The following CNTN4 variants were observed in gnomAD, a reference collection of about 807,000 sequenced individuals.
The protein encoded by CNTN4 is contactin 4, also known as contactin-4.
Under a neutral mutation model 122.5 loss-of-function variants are expected in CNTN4, and 77 were observed. The ratio of observed to expected loss-of-function variants is 0.63; its 90% CI spans 0.52 to 0.76. The LOEUF is 0.76. CNTN4 is among the 30% of genes least tolerant of loss of function. The pLI is 0.00. For synonymous variants in CNTN4, 512 were observed against 447.0 expected (o/e 1.15, Z -1.83); for missense variants, 1,256 against 1,259.1 (o/e 1.00, Z 0.04).
intron 2 of CNTN4, among the ~76,000 whole-genome samples, chr3:2,226,395 G>T (rs965693760): frequency 8.5e-5 from 13 of 152,094 alleles, no homozygotes; most frequent in Admixed American, 6.5e-5. Flanking sequence ...ATTTTTGGAA[G>T]AGGAAAAAGC....
intron 2 of CNTN4, among the ~76,000 whole-genome samples, chr3:2,199,314 G>A (rs145612350): frequency 5.1e-4 from 77 of 151,978 alleles, no homozygotes; most frequent in East Asian, 4.5e-3. Flanking sequence ...CATTTCTCAC[G>A]TGTACTTTTA....
At chr3:2,643,274 A>G (rs567350375) in intron 4 of CNTN4, among the ~76,000 whole-genome samples, 1 of 152,266 alleles carries the variant, frequency 6.6e-6, no homozygotes, top group Admixed American at 6.5e-5. Context: ...CCCATGTTCA[A>G]GCAATTTTCA....
chr3:2,522,190 T>TGA (rs2077245673), intron 3 of CNTN4, among the ~76,000 whole-genome samples: 1 of 150,376 alleles, frequency 6.6e-6, no homozygotes, highest in Non-Finnish European at 1.5e-5. Context: ...TGTGTGTGTG[T>TGA]GAATAATTAA....
At chr3:2,878,098 T>C (rs964981654) in intron 8 of CNTN4, among the ~76,000 whole-genome samples, 3 of 152,206 alleles carry the variant, frequency 2.0e-5, no homozygotes, top group African/African-American at 4.8e-5. Flanking sequence ...GATGCCATTC[T>C]ATCTCTGATC....
intron 4 of CNTN4, among the ~76,000 whole-genome samples, chr3:2,617,376 CAT>C (rs1437882532): frequency 6.8e-6 from 1 of 147,658 alleles, no homozygotes; most frequent in Non-Finnish European, 1.5e-5. Flanking sequence ...AGCCAAGAAA[CAT>C]ATGAAAAACA....
intron 2 of CNTN4, among the ~76,000 whole-genome samples, chr3:2,297,208 T>G (rs2150042521): frequency 6.6e-6 from 1 of 152,318 alleles, no homozygotes; most frequent in South Asian, 2.1e-4. Flanking sequence ...ATCAAATAAC[T>G]TACATTATTT....
chr3:2,988,660 A>G, intron 14 of CNTN4, 188 bp downstream of exon 14: 1 of 631,860 alleles, frequency 1.6e-6, no homozygotes, highest in East Asian at 2.9e-5. Context: ...TATGATTGAA[A>G]GGCTATCTTA....
intron 2 of CNTN4, among the ~76,000 whole-genome samples, chr3:2,286,405 G>A (rs2041905476): frequency 1.3e-5 from 2 of 151,032 alleles, no homozygotes; most frequent in Admixed American, 1.3e-4. Context: ...AACCTGAAAA[G>A]AAAATACCAC....
At chr3:2,594,011 T>G (rs1225979820) in intron 4 of CNTN4, among the ~76,000 whole-genome samples, 4 of 152,206 alleles carry the variant, frequency 2.6e-5, no homozygotes, top group African/African-American at 9.6e-5. Context: ...ATTCCAAATA[T>G]GTAGTACCTT....
At chr3:2,112,804 C>T (rs1005354170) in intron 2 of CNTN4, among the ~76,000 whole-genome samples, 3 of 152,160 alleles carry the variant, frequency 2.0e-5, no homozygotes, top group Non-Finnish European at 4.4e-5. Flanking sequence ...AGCTAACTCA[C>T]ATCAGTATCT....
intron 6 of CNTN4, among the ~76,000 whole-genome samples, chr3:2,783,212 C>A (rs62232880): frequency 6.6e-6 from 1 of 151,966 alleles, no homozygotes; most frequent in Non-Finnish European, 1.5e-5. Context: ...TCACTTGAGC[C>A]CAGCAGATGG....
At chr3:2,344,084 C>G (rs1026646512) in intron 3 of CNTN4, among the ~76,000 whole-genome samples, 2 of 152,118 alleles carry the variant, frequency 1.3e-5, no homozygotes, top group Non-Finnish European at 2.9e-5. Flanking sequence ...AGTCTTCCCC[C>G]CATGGCCCAA....
At chr3:2,409,287 G>C (rs55933741) in intron 3 of CNTN4, among the ~76,000 whole-genome samples, 3 of 138,208 alleles carry the variant, frequency 2.2e-5, no homozygotes, top group Non-Finnish European at 4.6e-5. Context: ...TCGCTCTGTC[G>C]CCCAGGCTGG....
intron 6 of CNTN4, among the ~76,000 whole-genome samples, chr3:2,768,208 C>T (rs916981551): frequency 3.3e-5 from 5 of 152,092 alleles, no homozygotes; most frequent in African/African-American, 4.8e-5. Context: ...AAATGAATGG[C>T]GAATCCGGTA....
intron 6 of CNTN4, among the ~76,000 whole-genome samples, chr3:2,811,011 G>T (rs1380998811): frequency 3.5e-5 from 5 of 144,168 alleles, no homozygotes; most frequent in Non-Finnish European, 4.5e-5. Flanking sequence ...AGAATTAGAG[G>T]CTCTGAAAAA....
At chr3:2,359,964 C>G (rs2045053676) in intron 3 of CNTN4, among the ~76,000 whole-genome samples, 1 of 152,136 alleles carries the variant, frequency 6.6e-6, no homozygotes, top group Admixed American at 6.5e-5. Flanking sequence ...AAGTAGTAGT[C>G]AAAGCAGAGT....
chr3:2,708,153 A>G (rs2600292), intron 4 of CNTN4, among the ~76,000 whole-genome samples: 9,837 of 152,222 alleles, frequency 0.065, 367 homozygotes, highest in South Asian at 0.12. Flanking sequence ...TTATATTTCA[A>G]AGTTTCAATG....
chr3:2,120,399 ATATATATTTTT>A (rs2033681226), intron 2 of CNTN4, among the ~76,000 whole-genome samples: 4 of 30,752 alleles, frequency 1.3e-4, no homozygotes, highest in African/African-American at 3.8e-4. Context: ...ATATATATAT[ATATATATTTTT>A]TTTTTTTTTT....
At chr3:2,582,218 C>T (rs2079976042) in intron 4 of CNTN4, among the ~76,000 whole-genome samples, 1 of 152,202 alleles carries the variant, frequency 6.6e-6, no homozygotes. Context: ...TCCTGAGAGA[C>T]ACTGTCTGCT....
Sources: allele counts gnomAD v4.1 joint callset (sites outside exome capture counted in the v4.1 genomes callset), GRCh38; gene constraint gnomAD v4.1.1; transcripts MANE v1.5; gene names NCBI Gene and HGNC (gene_info 2026-07-23, HGNC 2026-07-21).